Variants in FYB1 observed in about 807,000 individuals in gnomAD.
FYB1 encodes FYN-binding protein 1.
Under a neutral mutation model 94.1 loss-of-function variants are expected in FYB1, and 41 were observed. The observed-to-expected ratio is 0.44, with a 90% CI of 0.34 to 0.57. FYB1 has a LOEUF of 0.57. FYB1 is among the 20% of genes least tolerant of loss of function. FYB1 has a pLI of 0.02. For synonymous variants in FYB1, 367 were observed against 353.2 expected, an observed-to-expected ratio of 1.04 and a Z score of -0.44; for missense variants, 1,050 against 976.8, an observed-to-expected ratio of 1.07 and a Z score of -1.00.
chr5:39,167,466 T>G (rs1744843779), intron 2 of FYB1, among the ~76,000 whole-genome samples: 1 of 152,350 alleles, frequency 6.6e-6, no homozygotes, highest in African/African-American at 2.4e-5. Context: ...TCTAAGTGTT[T>G]ACTGACCTTT....
At chr5:39,171,699 A>G (rs778280093) in intron 2 of FYB1, among the ~76,000 whole-genome samples, 2 of 152,142 alleles carry the variant, frequency 1.3e-5, no homozygotes, top group Non-Finnish European at 2.9e-5. Context: ...TTGTTTTGAA[A>G]CACAACTTAT....
intron 1 of FYB1, among the ~76,000 whole-genome samples, chr5:39,230,264 C>T (rs1395114627): frequency 6.6e-6 from 1 of 152,138 alleles, no homozygotes; most frequent in Non-Finnish European, 1.5e-5. Context: ...GCAGGAAGGC[C>T]AGTGTCAGAG....
intron 13 of FYB1, among the ~76,000 whole-genome samples, chr5:39,123,280 C>A (rs1197277354): frequency 1.3e-5 from 2 of 152,144 alleles, no homozygotes; most frequent in Non-Finnish European, 2.9e-5. Context: ...TTCAGGTTAA[C>A]TAATTTCACA....
intron 1 of FYB1, among the ~76,000 whole-genome samples, chr5:39,262,866 T>C (rs1309756001): frequency 1.3e-5 from 2 of 152,162 alleles, no homozygotes. Context: ...GTTTTATGGA[T>C]ACACACAGAT....
upstream of FYB1, among the ~76,000 whole-genome samples, chr5:39,223,676 T>A (rs182932727): frequency 1.5e-4 from 23 of 152,162 alleles, no homozygotes; most frequent in East Asian, 3.7e-3. Flanking sequence ...TCTCAATGAG[T>A]AGCTCATTCT....
chr5:39,176,137 GTTTTTTTTTTTTTTTTTT>G (rs70982547), intron 2 of FYB1, among the ~76,000 whole-genome samples: 1 of 61,638 alleles, frequency 1.6e-5, no homozygotes, highest in African/African-American at 5.7e-5. Context: ...TTTTTTTTCT[GTTTTTTTTTTTTTTTTTT>G]TTTTTTTTTT....
intron 3 of FYB1, among the ~76,000 whole-genome samples, chr5:39,144,147 T>A (rs1228377680): frequency 6.6e-6 from 1 of 152,242 alleles, no homozygotes; most frequent in Non-Finnish European, 1.5e-5. Context: ...GTTAGACTTG[T>A]CACATCAATT....
intron 1 of FYB1, among the ~76,000 whole-genome samples, chr5:39,273,398 G>A (rs1323711260): frequency 6.6e-6 from 1 of 152,142 alleles, no homozygotes; most frequent in East Asian, 1.9e-4. Context: ...AGTTTTTAAG[G>A]CATAATCATG....
At chr5:39,170,443 C>G in intron 2 of FYB1, 1 of 390,864 alleles carries the variant, frequency 2.6e-6, no homozygotes, top group Admixed American at 4.1e-5. Context: ...CTGGAGGGGG[C>G]CCAGGCTGAG....
intron 2 of FYB1, among the ~76,000 whole-genome samples, chr5:39,171,289 A>G (rs1745229680): frequency 6.6e-6 from 1 of 151,822 alleles, no homozygotes; most frequent in Non-Finnish European, 1.5e-5. Context: ...CTGTCTCCAA[A>G]AAAAAAAAAG....
chr5:39,110,383 T>A lies in FYB1; in HGVS notation c.2408A>T (p.Tyr803Phe), dbSNP rs1428329630. ...GTCCGCTAGGTAACTCCGAAGGACA[T>A]AACCATCTACGAAGGAAAAAGGAAA... Reference protein sequence around the residue: ...LCRNEEGKYGYVLRSYLADND... With the variant: ...LCRNEEGKYGFVLRSYLADND... The change falls in exon 17 of 19, where the codon TAT becomes TTT. Residue 803 changes from tyrosine (Y) to phenylalanine (F), a missense_variant. Transcript: ENST00000512982. 2 of 1,593,844 alleles carry A rather than the reference T, an allele frequency of 1.3e-6. No homozygotes were observed. The highest frequency in any genetic ancestry group is 3.4e-5 in the Admixed American group (2 of 59,236).
At chr5:39,108,181 C>A in intron 18 of FYB1, 50 bp downstream of exon 18, 1 of 1,453,190 alleles carries the variant, frequency 6.9e-7, no homozygotes, top group Admixed American at 2.1e-5. Flanking sequence ...TTTATAAAAA[C>A]AGTAAATTCA....
chr5:39,271,358 G>A (rs1174566115), intron 1 of FYB1, among the ~76,000 whole-genome samples: 1 of 152,146 alleles, frequency 6.6e-6, no homozygotes, highest in Admixed American at 6.5e-5. Flanking sequence ...AATCATCCAT[G>A]TACCTCTCTG....
chr5:39,183,800 A>G (rs1746486235), intron 2 of FYB1, among the ~76,000 whole-genome samples: 1 of 152,198 alleles, frequency 6.6e-6, no homozygotes, highest in East Asian at 1.9e-4. Flanking sequence ...CAAGTTATTA[A>G]AAATGGAGAT....
At chr5:39,177,553 G>T (rs1010926752) in intron 2 of FYB1, among the ~76,000 whole-genome samples, 9 of 152,140 alleles carry the variant, frequency 5.9e-5, no homozygotes, top group Non-Finnish European at 8.8e-5. Flanking sequence ...GGCTGATTAA[G>T]TTCTCTACAA....
chr5:39,166,141 A>G (rs1744708225), intron 2 of FYB1, among the ~76,000 whole-genome samples: 1 of 152,194 alleles, frequency 6.6e-6, no homozygotes, highest in South Asian at 2.1e-4. Context: ...TATTCAACCA[A>G]AAGAAAAGAA....
At chr5:39,229,398 T>C (rs537330899) in intron 1 of FYB1, among the ~76,000 whole-genome samples, 3 of 152,206 alleles carry the variant, frequency 2.0e-5, no homozygotes, top group Non-Finnish European at 4.4e-5. Flanking sequence ...AAATCAGCCA[T>C]TGTCCAGACT....
At chr5:39,139,085 T>G in intron 5 of FYB1, 148 bp downstream of exon 5, 1 of 880,300 alleles carries the variant, frequency 1.1e-6, no homozygotes, top group Non-Finnish European at 1.6e-6. Flanking sequence ...TCTTAAGCAT[T>G]TTAGATGAAA....
rs767995605 is a variant in FYB1, at chr5:39,108,272, T to G, written c.2436-10A>C. On this transcript the variant is annotated splice_polypyrimidine_tract_variant and intron_variant, in intron 17 of 18. Coordinates refer to ENST00000512982, the MANE Select transcript of FYB1 (RefSeq NM_001465.6). ...ATAGATCTCTCCATCACTGTAAATG[T>G]AAAAAAAAATTTTTATTTTAAAGAA... is the stretch of plus-strand genomic sequence containing the variant. 22 of 1,518,092 alleles carry G rather than the reference T, an allele frequency of 1.4e-5. No homozygotes were observed. The highest frequency in any genetic ancestry group is 1.8e-4 in the Middle Eastern group (1 of 5,634). 94.0% of individuals were successfully genotyped at this position (1,518,092 alleles called of 1,614,324 possible).
Sources: gnomAD v4.1 joint callset for allele counts (sites outside exome capture counted in the v4.1 genomes callset) on GRCh38, gnomAD v4.1.1 for gene constraint, MANE v1.5 for transcripts, NCBI Gene and HGNC (gene_info 2026-07-23, HGNC 2026-07-21) for gene names.